Variants in DPP6 observed in about 807,000 individuals in gnomAD.
DPP6 encodes the protein A-type potassium channel modulatory protein DPP6.
A neutral mutation model predicts 122.6 loss-of-function variants in DPP6; 69 were observed. That is an observed-to-expected ratio of 0.56 (90% confidence interval 0.46 to 0.69). The LOEUF is 0.69. Among genes scored for constraint, DPP6 ranks in the 30% least tolerant of loss-of-function variants. DPP6 has a pLI of 0.00. For missense variants in DPP6, 928 were observed against 1,116.9 expected, an observed-to-expected ratio of 0.83 and a Z score of 2.41; for synonymous variants, 418 against 433.1, an observed-to-expected ratio of 0.97 and a Z score of 0.43.
chr7:154,813,877 CTTT>C (rs35188883), intron 16 of DPP6, among the ~76,000 whole-genome samples: 5 of 94,472 alleles, frequency 5.3e-5, no homozygotes, highest in Admixed American at 1.5e-4. Flanking sequence ...AAGCACATTT[CTTT>C]TTTTTTTTTT....
intron 1 of DPP6, among the ~76,000 whole-genome samples, chr7:154,008,290 G>A (rs1797998239): frequency 6.6e-6 from 1 of 152,230 alleles, no homozygotes; most frequent in South Asian, 2.1e-4. Context: ...AGGGCTGTGT[G>A]GTTGGGACAT....
At chr7:153,876,057 A>G in the DPP6 span, among the ~76,000 whole-genome samples, 1 of 152,082 alleles carries the variant, frequency 6.6e-6, no homozygotes, top group Non-Finnish European at 1.5e-5. Flanking sequence ...AAATATAAAT[A>G]GTGTCATTGC....
At chr7:153,947,584 AGACAGTGAAGACCTGAAGG>A (rs1423514130) in intron 1 of DPP6, among the ~76,000 whole-genome samples, 2 of 152,230 alleles carry the variant, frequency 1.3e-5, no homozygotes, top group Non-Finnish European at 1.5e-5. Flanking sequence ...AGACCTGAAG[AGACAGTGAAGACCTGAAGG>A]GACAGTGGGG....
chr7:154,204,099 C>G (rs1408012244), intron 1 of DPP6, among the ~76,000 whole-genome samples: 1 of 152,166 alleles, frequency 6.6e-6, no homozygotes, highest in African/African-American at 2.4e-5. Context: ...ATTTACCTGC[C>G]TGGTCATCCT....
At chr7:154,557,072 G>C (rs974190334) in intron 4 of DPP6, among the ~76,000 whole-genome samples, 4 of 152,176 alleles carry the variant, frequency 2.6e-5, no homozygotes, top group African/African-American at 7.2e-5. Flanking sequence ...GAGAAAGCCA[G>C]CTTCAAAAAA....
chr7:154,820,212 C>A (rs961545818), intron 16 of DPP6, among the ~76,000 whole-genome samples: 2 of 152,146 alleles, frequency 1.3e-5, no homozygotes, highest in Admixed American at 6.5e-5. Context: ...ACGGGACACG[C>A]GAAAGGGAGG....
chr7:154,779,295 C>T (rs1057335831), intron 10 of DPP6, among the ~76,000 whole-genome samples: 6 of 88,510 alleles, frequency 6.8e-5, no homozygotes, highest in African/African-American at 2.0e-4. Flanking sequence ...ACCCCCACTA[C>T]TATCACCACC....
chr7:154,022,940 CTCTT>C (rs1301503369), intron 1 of DPP6, among the ~76,000 whole-genome samples: 3 of 152,172 alleles, frequency 2.0e-5, no homozygotes, highest in Admixed American at 2.0e-4. Context: ...TGACAGCTGA[CTCTT>C]TCTTAACTTC....
At chr7:154,398,580 T>A (rs1815296279) in intron 1 of DPP6, among the ~76,000 whole-genome samples, 1 of 152,256 alleles carries the variant, frequency 6.6e-6, no homozygotes, top group Non-Finnish European at 1.5e-5. Flanking sequence ...CATATTTTTT[T>A]CTCCATTTCA....
chr7:153,981,383 T>C (rs2129037941), intron 1 of DPP6, among the ~76,000 whole-genome samples: 1 of 152,342 alleles, frequency 6.6e-6, no homozygotes, highest in South Asian at 2.1e-4. Flanking sequence ...TTTTTTACTT[T>C]CTATTTACTT....
chr7:153,846,369 C>A, the DPP6 span, among the ~76,000 whole-genome samples: 1 of 152,084 alleles, frequency 6.6e-6, no homozygotes, highest in Non-Finnish European at 1.5e-5. Flanking sequence ...GGATACAAGT[C>A]CTTTGTCAGA....
At chr7:154,521,536 A>G (rs1200596722) in intron 3 of DPP6, among the ~76,000 whole-genome samples, 1 of 152,162 alleles carries the variant, frequency 6.6e-6, no homozygotes, top group Non-Finnish European at 1.5e-5. Flanking sequence ...AATGTAAAAG[A>G]TTTTAAAAGC....
At chr7:153,887,545 G>A in exon 1 of DPP6, 1 of 939,982 alleles carries the variant, frequency 1.1e-6, no homozygotes, top group Non-Finnish European at 1.7e-6. Context: ...GAAAACTGAA[G>A]ACCTGGAAGA....
intron 1 of DPP6, among the ~76,000 whole-genome samples, chr7:153,914,172 A>G (rs1233104556): frequency 2.0e-5 from 3 of 152,112 alleles, no homozygotes; most frequent in South Asian, 2.1e-4. Flanking sequence ...ACAAGGTCTG[A>G]TGATTTTATA....
chr7:154,063,637 C>T (rs1344978996), intron 1 of DPP6, among the ~76,000 whole-genome samples: 1 of 136,694 alleles, frequency 7.3e-6, no homozygotes, highest in Non-Finnish European at 1.6e-5. Context: ...GGACTGAGAG[C>T]CACTCCCTCT....
intron 1 of DPP6, among the ~76,000 whole-genome samples, chr7:154,330,561 G>T (rs932373063): frequency 6.6e-6 from 1 of 152,210 alleles, no homozygotes; most frequent in Non-Finnish European, 1.5e-5. Flanking sequence ...CTGTCTTTAC[G>T]AACGGACTGA....
chr7:153,800,338 G>A, the DPP6 span, among the ~76,000 whole-genome samples: 2 of 152,096 alleles, frequency 1.3e-5, no homozygotes, highest in Admixed American at 1.3e-4. Flanking sequence ...GACAAATATT[G>A]TATGGTCTCA....
intron 1 of DPP6, among the ~76,000 whole-genome samples, chr7:153,925,744 C>T (rs1416389545): frequency 6.6e-6 from 1 of 152,192 alleles, no homozygotes; most frequent in South Asian, 2.1e-4. Flanking sequence ...GGAGATCATC[C>T]CACATGGTGG....
intron 1 of DPP6, among the ~76,000 whole-genome samples, chr7:154,444,696 A>C (rs1819705635): frequency 6.6e-6 from 1 of 152,234 alleles, no homozygotes; most frequent in South Asian, 2.1e-4. Context: ...CCTGCTAGTC[A>C]CAGACTTGAT....
Sources: gnomAD v4.1 joint callset for allele counts (sites outside exome capture counted in the v4.1 genomes callset) on GRCh38, gnomAD v4.1.1 for gene constraint, MANE v1.5 for transcripts, NCBI Gene and HGNC (gene_info 2026-07-23, HGNC 2026-07-21) for gene names.